KAT6A: variants seen among roughly 807,000 people sequenced by gnomAD.
The protein encoded by KAT6A is histone acetyltransferase KAT6A.
In KAT6A, 9 loss-of-function variants were observed where a neutral mutation model predicts 198.4. The observed-to-expected ratio is 0.05, with a 90% confidence interval of 0.03 to 0.08. The LOEUF is 0.08. Among genes scored for constraint, KAT6A ranks in the 10% least tolerant of loss-of-function variants. The pLI, the probability that KAT6A is intolerant of heterozygous loss-of-function variation, is 1.00. For synonymous variants in KAT6A, 890 were observed against 883.0 expected, an observed-to-expected ratio of 1.01 and a Z score of -0.14; for missense variants, 2,077 against 2,509.9, an observed-to-expected ratio of 0.83 and a Z score of 3.69.
intron 2 of KAT6A, among the ~76,000 whole-genome samples, chr8:42,042,088 T>C (rs1340856481): frequency 6.6e-6 from 1 of 152,236 alleles, no homozygotes; most frequent in Non-Finnish European, 1.5e-5. Context: ...ATATAAAATG[T>C]GCAACTATTC....
Position 42,031,652 on chromosome 8 carries a change from C to CGGA in KAT6A, c.600+16723_600+16725dup, listed in dbSNP as rs760956992. On this transcript the variant is annotated intron_variant, in intron 2 of 16. Transcript: ENST00000265713. ...TTTTTTTTTTTTTTTTTTTTGGAGA[C>CGGA]GGAGTCTAGCTCTGTCGCCCAGGCT... is the stretch of plus-strand genomic sequence containing the variant. Among the ~76,000 whole-genome samples, 262 of 100,140 alleles carry CGGA rather than the reference C, an allele frequency of 2.6e-3. 1 individual carries two copies. The highest frequency in any genetic ancestry group is 3.2e-3 in the Non-Finnish European group (182 of 56,082). The allele number at this position is 100,140 out of a possible 152,430, so 65.7% of individuals were successfully genotyped here.
At chr8:42,035,443 G>A (rs1827326487) in intron 2 of KAT6A, among the ~76,000 whole-genome samples, 1 of 152,240 alleles carries the variant, frequency 6.6e-6, no homozygotes, top group Admixed American at 6.5e-5. Context: ...AAAGAACACA[G>A]AGGTCTAGAA....
intron 8 of KAT6A, among the ~76,000 whole-genome samples, chr8:41,959,934 C>T (rs1164991419): frequency 2.7e-5 from 4 of 148,684 alleles, no homozygotes; most frequent in African/African-American, 5.0e-5. Context: ...CCAGCCTGGG[C>T]AACAGTGCAA....
chr8:41,968,347 T>C (rs2150880487), intron 8 of KAT6A, among the ~76,000 whole-genome samples: 1 of 152,206 alleles, frequency 6.6e-6, no homozygotes, highest in East Asian at 1.9e-4. Context: ...AAGAAGACAT[T>C]TATGCAGCCA....
chr8:42,011,522 G>A (rs1305857945), intron 2 of KAT6A, among the ~76,000 whole-genome samples: 1 of 152,158 alleles, frequency 6.6e-6, no homozygotes, highest in Non-Finnish European at 1.5e-5. Context: ...TGGATCACCT[G>A]AGGTCAGGAG....
intron 2 of KAT6A, among the ~76,000 whole-genome samples, chr8:42,014,020 C>G (rs1826146616): frequency 6.6e-6 from 1 of 152,140 alleles, no homozygotes; most frequent in South Asian, 2.1e-4. Context: ...TGTGGCTGTG[C>G]TCCAATACAA....
At chr8:41,975,689 C>T (rs1824016966) in intron 7 of KAT6A, among the ~76,000 whole-genome samples, 1 of 152,156 alleles carries the variant, frequency 6.6e-6, no homozygotes, top group African/African-American at 2.4e-5. Flanking sequence ...CTCTCTAATA[C>T]AGCATTCGGT....
At chr8:42,042,015 G>A (rs1048692374) in intron 2 of KAT6A, among the ~76,000 whole-genome samples, 1 of 152,104 alleles carries the variant, frequency 6.6e-6, no homozygotes, top group Admixed American at 6.5e-5. Flanking sequence ...CAGAGTAATT[G>A]AAATTGAAAT....
rs1824684854 is a variant in KAT6A at position 41,987,575 on chromosome 8, A to T, written c.601-12T>A. ...GGTTCAGCAACCGGCTGTGAAGAAA[A>T]ACACAATTCATTCCAGTACTAATAC... On this transcript the variant is annotated splice_polypyrimidine_tract_variant and intron_variant, in intron 2 of 16. Transcript: ENST00000265713. 6.8e-7 allele frequency: 1 copy of T among 1,469,234 alleles called. No individual in the cohort carries two copies. The highest frequency in any genetic ancestry group is 1.4e-5 in the African/African-American group (1 of 71,916). The allele number at this position is 1,469,234 out of a possible 1,614,324, so 91.0% of individuals were successfully genotyped here. A position where few individuals can be genotyped will look rare whatever the true frequency, so the allele number is the denominator to read the frequency against.
At chr8:41,994,568 C>G (rs1825101000) in intron 2 of KAT6A, among the ~76,000 whole-genome samples, 1 of 151,934 alleles carries the variant, frequency 6.6e-6, no homozygotes, top group East Asian at 1.9e-4. Flanking sequence ...TTTTTGAACA[C>G]CCCATCTAGC....
chr8:42,040,726 ACT>A (rs1242221039), intron 2 of KAT6A, among the ~76,000 whole-genome samples: 1 of 106,030 alleles, frequency 9.4e-6, no homozygotes, highest in Non-Finnish European at 1.8e-5. Context: ...CAAGAGCAAG[ACT>A]CTGTCTCAAA....
rs1822120434 is a variant in KAT6A, at chr8:41,941,341, C to T, written c.2540G>A (p.Ser847Asn). ...VMAPVSSTRL[S>N]KQVLPHDSLP... The stretch of plus-strand genomic sequence containing the variant: ...ACTATCATGAGGAAGGACTTGTTTG[C>T]TCAAACGTGTAGAACTGACTGGAGC... Residue 847 changes from serine (S) to asparagine (N), a missense_variant, in exon 15 of 17, where the codon AGC (serine) becomes AAC (asparagine). Ser to Asn is a conservative substitution (Grantham distance 46). Coordinates refer to ENST00000265713, the MANE Select transcript of KAT6A (RefSeq NM_006766.5). The T allele has an allele frequency of 6.2e-7, 1 of 1,613,224 alleles. No homozygotes were observed. The highest frequency in any genetic ancestry group is 1.1e-5 in the South Asian group (1 of 91,074).
chr8:41,965,488 T>C (rs1036888920), intron 8 of KAT6A, among the ~76,000 whole-genome samples: 1 of 152,220 alleles, frequency 6.6e-6, no homozygotes, highest in Non-Finnish European at 1.5e-5. Context: ...TTTATGAGTC[T>C]TTTTATTATT....
chr8:41,952,816 T>A (rs111937762), intron 9 of KAT6A, among the ~76,000 whole-genome samples: 1 of 152,128 alleles, frequency 6.6e-6, no homozygotes, highest in Non-Finnish European at 1.5e-5. Flanking sequence ...CTCATTTAAG[T>A]AAATATAATT....
intron 8 of KAT6A, among the ~76,000 whole-genome samples, chr8:41,970,212 AT>A (rs1283620823): frequency 2.6e-5 from 4 of 152,224 alleles, no homozygotes; most frequent in African/African-American, 9.6e-5. Context: ...AATAAGCCTC[AT>A]GGAGAAATAG....
rs1821663767 is a variant in KAT6A at position 41,933,322 on chromosome 8, T to C, written c.4898A>G (p.Lys1633Arg). 1 of 1,574,554 alleles carries C rather than the reference T, an allele frequency of 6.4e-7. No individual in the cohort carries two copies. Among genetic ancestry groups the C allele is most frequent in the Admixed American group, 1.7e-5 (1 of 58,224 alleles). Residue 1633 changes from lysine to arginine, a missense_variant, in exon 17 of 17, where the codon AAG becomes AGG. Coordinates refer to ENST00000265713, the MANE Select transcript of KAT6A (RefSeq NM_006766.5). The surrounding 1 kb of genome is among the most constrained non-coding windows in gnomAD (Gnocchi z 6.2). The stretch of plus-strand genomic sequence containing the variant: ...CTCCACCACGCAGCTCTGAGGTGAC[T>C]TGATGCTGCAGTTGGCAGCAGGCTG... Reference protein sequence around the residue: ...SVQPAANCSIKSPQSCVVERP... With the variant: ...SVQPAANCSIRSPQSCVVERP...
intron 2 of KAT6A, among the ~76,000 whole-genome samples, chr8:42,044,008 T>G (rs1477940539): frequency 6.6e-6 from 1 of 151,914 alleles, no homozygotes; most frequent in Non-Finnish European, 1.5e-5. Flanking sequence ...GCCTGGCACA[T>G]AGTAAATAAA....
At chr8:41,972,355 AAAAC>A (rs1823837859) in intron 8 of KAT6A, among the ~76,000 whole-genome samples, 1 of 152,228 alleles carries the variant, frequency 6.6e-6, no homozygotes, top group African/African-American at 2.4e-5. Context: ...AGTTTGATGA[AAAAC>A]AGGTTATCTG....
At chr8:41,960,436 G>A (rs1303206088) in intron 8 of KAT6A, among the ~76,000 whole-genome samples, 1 of 150,920 alleles carries the variant, frequency 6.6e-6, no homozygotes, top group African/African-American at 2.4e-5. Flanking sequence ...GAACCCGGGA[G>A]GCGGAGCTTG....
Sources: gnomAD v4.1 joint callset for allele counts (sites outside exome capture counted in the v4.1 genomes callset) on GRCh38, gnomAD v4.1.1 for gene constraint, Gnocchi (gnomAD v3.1) non-coding constraint, MANE v1.5 for transcripts, NCBI Gene and HGNC (gene_info 2026-07-23, HGNC 2026-07-21) for gene names.